SWAP70: variants seen among roughly 807,000 people sequenced by gnomAD.
SWAP70 encodes switching B cell complex subunit SWAP70.
In SWAP70, 34 loss-of-function variants were observed where a neutral mutation model predicts 80.2. That is an observed-to-expected ratio of 0.42 (90% CI 0.32 to 0.56). The LOEUF is 0.56. SWAP70 is among the 20% of genes least tolerant of loss of function. SWAP70 has a pLI of 0.09. For missense variants in SWAP70, 578 were observed against 690.7 expected (o/e 0.84, Z 1.83); for synonymous variants, 239 against 238.5 (o/e 1.00, Z -0.02).
At chr11:9,679,532 A>G (rs1233960057) in intron 1 of SWAP70, among the ~76,000 whole-genome samples, 1 of 152,220 alleles carries the variant, frequency 6.6e-6, no homozygotes, top group East Asian at 1.9e-4. Flanking sequence ...GATCGTCTTC[A>G]GTGATGATTT....
At chr11:9,708,704 A>G (rs572584300) in intron 2 of SWAP70, among the ~76,000 whole-genome samples, 2 of 152,306 alleles carry the variant, frequency 1.3e-5, no homozygotes, top group South Asian at 2.1e-4. Flanking sequence ...TTCTCAGAGC[A>G]AGGCTATCTG....
chr11:9,724,580 A>G (rs1376039427), intron 3 of SWAP70, 78 bp from the exon 4 acceptor site: 2 of 1,049,806 alleles, frequency 1.9e-6, no homozygotes, highest in Non-Finnish European at 2.7e-6. Context: ...TGAACTTATC[A>G]GTGTTTATAA....
chr11:9,689,128 C>T (rs139613127), intron 1 of SWAP70, among the ~76,000 whole-genome samples: 2 of 152,280 alleles, frequency 1.3e-5, no homozygotes, highest in African/African-American at 4.8e-5. Flanking sequence ...CCATTACGCA[C>T]ATCCTGTAAA....
At chr11:9,717,925 A>C (rs1178392470) in intron 3 of SWAP70, among the ~76,000 whole-genome samples, 2 of 152,210 alleles carry the variant, frequency 1.3e-5, no homozygotes, top group Non-Finnish European at 2.9e-5. Flanking sequence ...ATCACCATTG[A>C]GCCACAGGCT....
At chr11:9,725,291 G>A in intron 4 of SWAP70, among the ~76,000 whole-genome samples, 1 of 151,122 alleles carries the variant, frequency 6.6e-6, no homozygotes, top group Non-Finnish European at 1.5e-5. Context: ...TTTTGAATAG[G>A]AATAAAATTT....
rs1565111692 is a variant in SWAP70 at position 9,675,368 on chromosome 11, A to AGAGG, written c.99+11093_99+11094insGGAG. Among the ~76,000 whole-genome samples the AGAGG allele has an allele frequency of 7.3e-4, 24 of 32,956 alleles. 1 individual carries two copies. The highest frequency in any genetic ancestry group is 1.3e-3 in the South Asian group (1 of 796). The allele number at this position is 32,956 out of a possible 152,430, so 21.6% of individuals were successfully genotyped here. A position where few individuals can be genotyped will look rare whatever the true frequency, so the allele number is the denominator to read the frequency against. The stretch of plus-strand genomic sequence containing the variant: ...GAGCGAGAGAGAGAGAGAGAGAGAG[A>AGAGG]GAGAGAGAGAGAGAGAGAGAGAGAG... On this transcript the variant is annotated intron_variant, in intron 1 of 11. Coordinates refer to ENST00000318950, the MANE Select transcript of SWAP70 (RefSeq NM_015055.4).
chr11:9,730,962 T>C (rs1851290820), intron 6 of SWAP70, among the ~76,000 whole-genome samples: 1 of 152,216 alleles, frequency 6.6e-6, no homozygotes, highest in African/African-American at 2.4e-5. Context: ...CCCTAGTGTC[T>C]GCTGTTGCCA....
chr11:9,686,524 T>A (rs1850635307), intron 1 of SWAP70, among the ~76,000 whole-genome samples: 1 of 151,900 alleles, frequency 6.6e-6, no homozygotes, highest in Non-Finnish European at 1.5e-5. Flanking sequence ...AATTTTTGTA[T>A]TTTTTGTAGA....
chr11:9,671,484 TTATAAATATATA>T (rs1381587292), intron 1 of SWAP70, among the ~76,000 whole-genome samples: 2 of 87,768 alleles, frequency 2.3e-5, no homozygotes, highest in African/African-American at 4.9e-5. Flanking sequence ...AAAAGTATAT[TTATAAATATATA>T]TATAAATATA....
chr11:9,726,210 CTTA>C (rs1158163204), intron 4 of SWAP70, among the ~76,000 whole-genome samples: 1 of 151,900 alleles, frequency 6.6e-6, no homozygotes, highest in Non-Finnish European at 1.5e-5. Flanking sequence ...TTGCTTTTGT[CTTA>C]TTTAGACTGT....
At chr11:9,747,525 A>G (rs1851527292) in intron 9 of SWAP70, among the ~76,000 whole-genome samples, 1 of 152,226 alleles carries the variant, frequency 6.6e-6, no homozygotes, top group African/African-American at 2.4e-5. Flanking sequence ...ACCATCTCTA[A>G]AATATGAGTA....
rs1400484620 is a variant in SWAP70, at chr11:9,664,198, G to C, written c.19G>C (p.Glu7Gln). Reference sequence around the variant, plus strand: ...CGCGGCCATGGGGAGCTTGAAGGAGGAGCTGCTCAAAGCCATCTGGCACGC... The same window carrying C: ...CGCGGCCATGGGGAGCTTGAAGGAGCAGCTGCTCAAAGCCATCTGGCACGC... Reference protein sequence around the residue: MGSLKEELLKAIWHAFT... With the variant: MGSLKEQLLKAIWHAFT... The change falls in exon 1 of 12, where the codon GAG (glutamate) becomes CAG (glutamine). Residue 7 changes from glutamate (E) to glutamine (Q), a missense_variant. By Grantham distance (29) the Glu-to-Gln change is conservative. Coordinates refer to ENST00000318950, the MANE Select transcript of SWAP70 (RefSeq NM_015055.4). 6.3e-7 allele frequency: 1 copy of C among 1,587,132 alleles called. No homozygotes were observed. Among genetic ancestry groups the C allele is most frequent in the East Asian group, 2.3e-5 (1 of 42,968 alleles).
At chr11:9,713,956 A>G in intron 3 of SWAP70, among the ~76,000 whole-genome samples, 1 of 152,236 alleles carries the variant, frequency 6.6e-6, no homozygotes, top group East Asian at 1.9e-4. Context: ...ATATTGACAA[A>G]ACGTAACTGG....
intron 3 of SWAP70, among the ~76,000 whole-genome samples, chr11:9,718,280 A>G (rs1851091192): frequency 6.6e-6 from 1 of 152,162 alleles, no homozygotes; most frequent in African/African-American, 2.4e-5. Context: ...TTAGAAGTAG[A>G]ATTTGAGTTA....
chr11:9,731,368 A>C (rs1851295709), intron 6 of SWAP70, among the ~76,000 whole-genome samples: 1 of 152,200 alleles, frequency 6.6e-6, no homozygotes, highest in Non-Finnish European at 1.5e-5. Flanking sequence ...TGAGTTATAA[A>C]TTCTGTAACT....
At chr11:9,736,813 T>C (rs758891079) in intron 7 of SWAP70, among the ~76,000 whole-genome samples, 9 of 152,322 alleles carry the variant, frequency 5.9e-5, no homozygotes, top group African/African-American at 1.9e-4. Flanking sequence ...TCTGAGATCA[T>C]TTAAATTCAG....
intron 2 of SWAP70, among the ~76,000 whole-genome samples, chr11:9,697,363 A>G (rs1219939517): frequency 6.6e-6 from 1 of 151,574 alleles, no homozygotes; most frequent in Non-Finnish European, 1.5e-5. Flanking sequence ...GCTCACAGCA[A>G]CCTCTGTCTC....
At position 9,692,386 on chromosome 11, in the gene SWAP70, T is replaced by A. The variant is rs372712739; in HGVS notation, c.100-1760T>A. On this transcript the variant is annotated intron_variant, in intron 1 of 11. Transcript: ENST00000318950. ...TTCACAGTTACTAGTTTCTTATATATCCCTCCAGAATTTCTTTTCTTCCTC... is the reference window on the plus strand; with the variant it reads ...TTCACAGTTACTAGTTTCTTATATAACCCTCCAGAATTTCTTTTCTTCCTC... Among the ~76,000 whole-genome samples, 19 of 151,962 alleles carry A rather than the reference T, an allele frequency of 1.3e-4. No homozygotes were observed. The East Asian group carries it at 2.7e-3, about 22-fold the overall frequency.
intron 7 of SWAP70, among the ~76,000 whole-genome samples, chr11:9,734,225 A>G (rs1025882786): frequency 5.3e-5 from 8 of 152,202 alleles, no homozygotes; most frequent in African/African-American, 1.9e-4. Context: ...CCTGGAAACC[A>G]CTGATCAATT....
Sources: gnomAD v4.1 joint callset for allele counts (sites outside exome capture counted in the v4.1 genomes callset) on GRCh38, gnomAD v4.1.1 for gene constraint, MANE v1.5 for transcripts, NCBI Gene and HGNC (gene_info 2026-07-23, HGNC 2026-07-21) for gene names.